Variants in DCDC2C observed in about 807,000 individuals in gnomAD.
DCDC2C encodes the protein doublecortin domain containing 2C.
A neutral mutation model predicts 45.0 loss-of-function variants in DCDC2C; 44 were observed. The observed-to-expected ratio is 0.98, with a 90% CI of 0.77 to 1.26. The LOEUF (loss-of-function observed/expected upper bound fraction) is 1.26. Among genes scored for constraint, DCDC2C ranks in the 50% most tolerant of loss-of-function variants. The probability of loss-of-function intolerance (pLI) is 0.00; values close to 1 mark genes in which losing one functional copy is unlikely to be tolerated. For missense variants in DCDC2C, 447 were observed against 468.9 expected (o/e 0.95, Z 0.43); for synonymous variants, 187 against 178.8 (o/e 1.05, Z -0.37).
intron 2 of DCDC2C, among the ~76,000 whole-genome samples, chr2:3,712,816 G>A (rs1034815246): frequency 3.3e-5 from 5 of 152,174 alleles, no homozygotes; most frequent in African/African-American, 9.7e-5. Flanking sequence ...ACCACAATGT[G>A]CATTGGAGAG....
intron 10 of DCDC2C, among the ~76,000 whole-genome samples, chr2:3,809,850 T>A (rs1671348056): frequency 6.6e-6 from 1 of 152,188 alleles, no homozygotes; most frequent in African/African-American, 2.4e-5. Flanking sequence ...GGTGTTTTGT[T>A]TTCTGTTCCT....
At chr2:3,822,570 A>G (rs1671719617) in intron 10 of DCDC2C, among the ~76,000 whole-genome samples, 1 of 149,560 alleles carries the variant, frequency 6.7e-6, no homozygotes, top group African/African-American at 2.5e-5. Flanking sequence ...CCAAAAATCT[A>G]GCTTTTGGTT....
intron 10 of DCDC2C, among the ~76,000 whole-genome samples, chr2:3,839,037 TG>T (rs1672147935): frequency 6.6e-6 from 1 of 152,188 alleles, no homozygotes; most frequent in Non-Finnish European, 1.5e-5. Context: ...AAAACTACAG[TG>T]GTTGCAAGAG....
At chr2:3,831,585 A>G (rs1443710934) in intron 10 of DCDC2C, among the ~76,000 whole-genome samples, 2 of 152,260 alleles carry the variant, frequency 1.3e-5, no homozygotes, top group East Asian at 3.8e-4. Context: ...AAACATCATT[A>G]TGCTGCATAT....
intron 10 of DCDC2C, among the ~76,000 whole-genome samples, chr2:3,836,459 G>A (rs1201926308): frequency 6.6e-6 from 1 of 152,196 alleles, no homozygotes; most frequent in Non-Finnish European, 1.5e-5. Flanking sequence ...TCCAAATAAA[G>A]TCTGTTAAAT....
Position 3,847,367 on chromosome 2 carries a change from T to A in DCDC2C, c.*184T>A, listed in dbSNP as rs1194840122. On this transcript the variant is annotated 3_prime_UTR_variant, in exon 11 of 11. Transcript: ENST00000399143. Reference sequence around the variant, plus strand: ...TTGAGCTCCATTTCTTCTTATTCCCTTTCTCAGTGATATTTCTTTTTAGTA... The same window carrying A: ...TTGAGCTCCATTTCTTCTTATTCCCATTCTCAGTGATATTTCTTTTTAGTA... 1 of 389,466 alleles carries A rather than the reference T, an allele frequency of 2.6e-6. No individual in the cohort carries two copies. Among genetic ancestry groups the A allele is most frequent in the Non-Finnish European group, 4.5e-6 (1 of 221,964 alleles). 24.1% of individuals were successfully genotyped at this position (389,466 alleles called of 1,614,324 possible).
intron 10 of DCDC2C, among the ~76,000 whole-genome samples, chr2:3,811,557 T>A (rs1434247546): frequency 6.6e-6 from 1 of 152,250 alleles, no homozygotes; most frequent in Non-Finnish European, 1.5e-5. Context: ...TTTTCCTATT[T>A]GAACACACTT....
chr2:3,812,494 T>A (rs1358882195), intron 10 of DCDC2C, among the ~76,000 whole-genome samples: 14 of 152,192 alleles, frequency 9.2e-5, no homozygotes, highest in Admixed American at 9.2e-4. Context: ...TTAGTGTAGA[T>A]AATATTCTAT....
At chr2:3,806,867 G>T (rs1331591425) in intron 10 of DCDC2C, among the ~76,000 whole-genome samples, 1 of 152,054 alleles carries the variant, frequency 6.6e-6, no homozygotes, top group Non-Finnish European at 1.5e-5. Flanking sequence ...TTTCTTTGTT[G>T]CTCGTGACTG....
chr2:3,845,285 G>A (rs576782787), intron 10 of DCDC2C, among the ~76,000 whole-genome samples: 1 of 152,308 alleles, frequency 6.6e-6, no homozygotes, highest in East Asian at 1.9e-4. Flanking sequence ...TACTCCATTT[G>A]GGTAGTTGTC....
chr2:3,806,408 C>T (rs1389037482), intron 10 of DCDC2C, among the ~76,000 whole-genome samples: 3 of 152,316 alleles, frequency 2.0e-5, no homozygotes, highest in South Asian at 4.1e-4. Context: ...GGAAACAGAG[C>T]GAAGCTCGCC....
intron 10 of DCDC2C, among the ~76,000 whole-genome samples, chr2:3,810,749 T>C (rs1230110856): frequency 6.6e-6 from 1 of 152,232 alleles, no homozygotes; most frequent in African/African-American, 2.4e-5. Flanking sequence ...CTTGAGTTAA[T>C]TTTTGTATAA....
intron 2 of DCDC2C, among the ~76,000 whole-genome samples, chr2:3,709,931 G>T (rs528788511): frequency 6.6e-6 from 1 of 152,146 alleles, no homozygotes; most frequent in Non-Finnish European, 1.5e-5. Flanking sequence ...CACTGAGCAG[G>T]CACACCAGGA....
intron 6 of DCDC2C, among the ~76,000 whole-genome samples, chr2:3,756,056 A>G (rs1015490636): frequency 6.6e-6 from 1 of 151,134 alleles, no homozygotes; most frequent in Admixed American, 6.6e-5. Flanking sequence ...ATGCCTGTGT[A>G]CCTATGTGTA....
At chr2:3,758,084 T>G (rs979933173) in intron 6 of DCDC2C, among the ~76,000 whole-genome samples, 1 of 152,220 alleles carries the variant, frequency 6.6e-6, no homozygotes, top group African/African-American at 2.4e-5. Flanking sequence ...ATAAATTGTA[T>G]GGACTGAAAA....
At chr2:3,711,734 C>T (rs922970978) in intron 2 of DCDC2C, among the ~76,000 whole-genome samples, 43 of 151,942 alleles carry the variant, frequency 2.8e-4, no homozygotes, top group African/African-American at 1.0e-3. Context: ...TGTAATGGAC[C>T]CTTTGTGGAG....
chr2:3,817,007 C>G (rs1175316184), intron 10 of DCDC2C, among the ~76,000 whole-genome samples: 8 of 152,164 alleles, frequency 5.3e-5, no homozygotes, highest in Admixed American at 5.2e-4. Flanking sequence ...GCCTGTGAGG[C>G]TGGAAGGAGA....
intron 6 of DCDC2C, among the ~76,000 whole-genome samples, chr2:3,766,888 T>C (rs1297147989): frequency 2.0e-5 from 3 of 152,214 alleles, no homozygotes; most frequent in Admixed American, 6.5e-5. Context: ...TGACTTAGGA[T>C]TTTTGACTGT....
chr2:3,837,715 A>G (rs140866664), intron 10 of DCDC2C, among the ~76,000 whole-genome samples: 2,215 of 35,212 alleles, frequency 0.063, 262 homozygotes, highest in Non-Finnish European at 0.12. Context: ...GCGCAACACC[A>G]TTGAAATTTT....
Sources: gnomAD v4.1 joint callset for allele counts (sites outside exome capture counted in the v4.1 genomes callset) on GRCh38, gnomAD v4.1.1 for gene constraint, MANE v1.5 for transcripts, NCBI Gene and HGNC (gene_info 2026-07-23, HGNC 2026-07-21) for gene names.